Variants in ATG10 observed in about 807,000 individuals in gnomAD.
The protein encoded by ATG10 is autophagy related 10.
Under a neutral mutation model 32.1 loss-of-function variants are expected in ATG10, and 30 were observed. The ratio of observed to expected loss-of-function variants is 0.94; its 90% CI spans 0.70 to 1.27. The LOEUF (loss-of-function observed/expected upper bound fraction) is 1.27. ATG10 is among the 50% of genes most tolerant of loss of function. The pLI is 0.00. For synonymous variants in ATG10, 87 were observed against 91.5 expected, an observed-to-expected ratio of 0.95 and a Z score of 0.28; for missense variants, 233 against 262.3, an observed-to-expected ratio of 0.89 and a Z score of 0.77.
chr5:82,031,554 C>A (rs969325227), intron 2 of ATG10, among the ~76,000 whole-genome samples: 1 of 152,210 alleles, frequency 6.6e-6, no homozygotes, highest in Admixed American at 6.5e-5. Context: ...GTTGCCCTGG[C>A]AACGGGGCTC....
chr5:82,036,959 C>T (rs992569917), intron 2 of ATG10, among the ~76,000 whole-genome samples: 1 of 151,102 alleles, frequency 6.6e-6, no homozygotes, highest in Non-Finnish European at 1.5e-5. Context: ...GGTGAAACCC[C>T]GTCTGTACTA....
intron 3 of ATG10, among the ~76,000 whole-genome samples, chr5:82,124,801 T>A (rs1766193577): frequency 6.6e-6 from 1 of 152,168 alleles, no homozygotes; most frequent in Non-Finnish European, 1.5e-5. Context: ...TTTGGATATA[T>A]GCCCAGTAAT....
At chr5:82,150,768 C>T (rs899456980) in intron 3 of ATG10, among the ~76,000 whole-genome samples, 1 of 152,256 alleles carries the variant, frequency 6.6e-6, no homozygotes, top group African/African-American at 2.4e-5. Flanking sequence ...GCCATTGTCA[C>T]TGCCCCACAG....
chr5:82,064,804 A>G (rs1278771964), intron 3 of ATG10, among the ~76,000 whole-genome samples: 7 of 152,174 alleles, frequency 4.6e-5, no homozygotes. Flanking sequence ...ACAATATTAT[A>G]ATAAAGACAG....
In ATG10 at chr5:82,219,864, G is replaced by T. The variant is rs1402492368; in HGVS notation, c.454-32698G>T. 2.0e-5 allele frequency among the ~76,000 whole-genome samples: 3 copies of T among 152,184 alleles called. No individual in the cohort carries two copies. In the South Asian group the frequency reaches 6.2e-4, roughly 32 times the overall value. On this transcript the variant is annotated intron_variant, in intron 5 of 7. Coordinates refer to ENST00000282185, the MANE Select transcript of ATG10 (RefSeq NM_031482.5). ...CTTTCTCTCATTCACAAATATTAAA[G>T]GAGCACCTATTATGAGCAGTTGTTA...
intron 3 of ATG10, among the ~76,000 whole-genome samples, chr5:82,118,683 A>G (rs1418562413): frequency 1.3e-5 from 2 of 152,050 alleles, no homozygotes; most frequent in Non-Finnish European, 2.9e-5. Context: ...ACTTCAAAAC[A>G]GTGATCTTGT....
At chr5:82,045,470 G>A (rs911600227) in intron 2 of ATG10, among the ~76,000 whole-genome samples, 2 of 152,160 alleles carry the variant, frequency 1.3e-5, no homozygotes, top group Non-Finnish European at 2.9e-5. Context: ...CCTAAGGTGT[G>A]TATGCCTTTG....
At chr5:82,202,716 A>G (rs1581798174) in intron 5 of ATG10, among the ~76,000 whole-genome samples, 1 of 151,930 alleles carries the variant, frequency 6.6e-6, no homozygotes, top group East Asian at 1.9e-4. Context: ...GACTAGTACT[A>G]CTCTTGAGCA....
rs553780590 is a variant in ATG10 at position 81,986,075 on chromosome 5, A to C, written c.-12-1484A>C. Among the ~76,000 whole-genome samples the C allele has an allele frequency of 2.3e-3, 341 of 145,560 alleles. 1 individual carries two copies. Among genetic ancestry groups the C allele is most frequent in the African/African-American group, 8.5e-3 (329 of 38,710 alleles). Reference sequence around the variant, plus strand: ...CACCGCGCCTGGCCACGCCTGCCTAATTTTTTGTATTTTTAGTAGAGATGG... The same window carrying C: ...CACCGCGCCTGGCCACGCCTGCCTACTTTTTTGTATTTTTAGTAGAGATGG... On this transcript the variant is annotated intron_variant, in intron 1 of 7. Coordinates refer to ENST00000282185, the MANE Select transcript of ATG10 (RefSeq NM_031482.5).
At chr5:82,162,178 A>T (rs1282240975) in intron 3 of ATG10, among the ~76,000 whole-genome samples, 1 of 152,098 alleles carries the variant, frequency 6.6e-6, no homozygotes. Context: ...ATGTACAAAG[A>T]GTTTATATAA....
intron 3 of ATG10, among the ~76,000 whole-genome samples, chr5:82,136,693 G>T (rs1424539480): frequency 1.3e-5 from 2 of 152,026 alleles, no homozygotes; most frequent in Admixed American, 6.5e-5. Context: ...TATATGTTGG[G>T]GTTGTTCTTC....
chr5:82,079,404 A>C (rs554752519), intron 3 of ATG10, among the ~76,000 whole-genome samples: 1 of 151,776 alleles, frequency 6.6e-6, no homozygotes. Flanking sequence ...TCTAGGGTAC[A>C]TGTGCACAAC....
intron 3 of ATG10, among the ~76,000 whole-genome samples, chr5:82,103,470 C>T (rs936272939): frequency 2.0e-5 from 3 of 152,112 alleles, no homozygotes; most frequent in Admixed American, 1.3e-4. Context: ...AACCTGTGTG[C>T]CCCTCTATCT....
chr5:82,007,812 C>CATAT (rs139853992), intron 2 of ATG10, among the ~76,000 whole-genome samples: 4 of 151,280 alleles, frequency 2.6e-5, no homozygotes, highest in Non-Finnish European at 4.4e-5. Flanking sequence ...ACTTTTGTGT[C>CATAT]ATATATATAT....
intron 5 of ATG10, among the ~76,000 whole-genome samples, chr5:82,230,318 T>G (rs969743726): frequency 6.6e-6 from 1 of 152,224 alleles, no homozygotes; most frequent in African/African-American, 2.4e-5. Context: ...GAGGGAAATG[T>G]GATCATACAA....
intron 5 of ATG10, among the ~76,000 whole-genome samples, chr5:82,195,519 C>T (rs993332204): frequency 2.1e-4 from 32 of 152,138 alleles, no homozygotes; most frequent in African/African-American, 6.3e-4. Flanking sequence ...ATGTTTATCA[C>T]GAGTTTACGT....
intron 2 of ATG10, among the ~76,000 whole-genome samples, chr5:82,028,723 G>T (rs1762661472): frequency 6.6e-6 from 1 of 152,224 alleles, no homozygotes; most frequent in African/African-American, 2.4e-5. Flanking sequence ...GAACTAGAAG[G>T]AGAACTGGAA....
intron 2 of ATG10, among the ~76,000 whole-genome samples, chr5:82,036,829 T>C (rs1044257374): frequency 2.6e-5 from 4 of 151,914 alleles, no homozygotes; most frequent in Admixed American, 2.6e-4. Flanking sequence ...CTCTTAATTA[T>C]TCTATTAATT....
At chr5:82,191,295 G>T (rs562265160) in intron 5 of ATG10, among the ~76,000 whole-genome samples, 25 of 152,280 alleles carry the variant, frequency 1.6e-4, no homozygotes, top group Non-Finnish European at 3.4e-4. Context: ...GAATTAAAGG[G>T]TCTGATTTAT....
Sources: allele counts gnomAD v4.1 joint callset (sites outside exome capture counted in the v4.1 genomes callset), GRCh38; gene constraint gnomAD v4.1.1; transcripts MANE v1.5; gene names NCBI Gene and HGNC (gene_info 2026-07-23, HGNC 2026-07-21).